The following PAXIP1 variants were observed in gnomAD, a reference collection of about 807,000 sequenced individuals.
The protein encoded by PAXIP1 is PAX-interacting protein 1.
A neutral mutation model predicts 140.6 loss-of-function variants in PAXIP1; 19 were observed. That is an observed-to-expected ratio of 0.14 (90% CI 0.09 to 0.20). The LOEUF (loss-of-function observed/expected upper bound fraction) is 0.20. Among genes scored for constraint, PAXIP1 ranks in the 10% least tolerant of loss-of-function variants. PAXIP1 has a pLI of 1.00. For missense variants in PAXIP1, 920 were observed against 1,208.6 expected (o/e 0.76, Z 3.54); for synonymous variants, 442 against 444.6 (o/e 0.99, Z 0.07).
intron 3 of PAXIP1, among the ~76,000 whole-genome samples, chr7:154,992,544 G>A (rs1810388694): frequency 6.6e-6 from 1 of 151,048 alleles, no homozygotes; most frequent in Non-Finnish European, 1.5e-5. Context: ...ACAGTGAGCC[G>A]AGATCGTGCC....
In PAXIP1 at chr7:155,002,890, T is replaced by A. The variant is rs1810996346; in HGVS notation, c.40A>T (p.Arg14Trp). 13 of 1,407,696 alleles carry A rather than the reference T, an allele frequency of 9.2e-6. No homozygotes were observed. The highest frequency in any genetic ancestry group is 1.1e-5 in the Non-Finnish European group (12 of 1,059,206). The allele number at this position is 1,407,696 out of a possible 1,614,324, so 87.2% of individuals were successfully genotyped here. A position where few individuals can be genotyped will look rare whatever the true frequency, so the allele number is the denominator to read the frequency against. Residue 14 changes from arginine to tryptophan, a missense_variant, in exon 1 of 21, where the codon AGG becomes TGG. This residue lies in a region of PAXIP1 where 419 missense variants were observed against 514.7 expected (regional missense o/e 0.81). Transcript: ENST00000404141. ...QAPKVPEEMF[R>W]EVKYYAVGDI... is the part of the protein sequence containing the mutation. The stretch of plus-strand genomic sequence containing the variant: ...CCCACCGCGTAATACTTGACCTCCC[T>A]GAACATCTCCTCAGGAACTTTGGGC...
intron 1 of PAXIP1, 77 bp downstream of exon 1, chr7:155,002,772 G>C (rs1810980315): frequency 2.5e-6 from 2 of 800,048 alleles, no homozygotes; most frequent in Non-Finnish European, 3.4e-6. Flanking sequence ...CGCGGCAGGA[G>C]CGGGGACGGG....
Position 154,947,889 on chromosome 7 carries a change from C to G in PAXIP1, c.2922+14G>C, listed in dbSNP as rs973171722. On this transcript the variant is annotated intron_variant, in intron 17 of 20. Transcript: ENST00000404141. The stretch of plus-strand genomic sequence containing the variant: ...TGCTTACTTGGACTGATTTACTTTT[C>G]CCTTAAAGTGTACCTTAAAGAGTGG... 6.4e-7 allele frequency: 1 copy of G among 1,562,888 alleles called. No homozygotes were observed. Among genetic ancestry groups the G allele is most frequent in the Non-Finnish European group, 8.8e-7 (1 of 1,133,278 alleles).
At chr7:155,002,405 TC>T (rs1340506615) in intron 1 of PAXIP1, among the ~76,000 whole-genome samples, 1 of 151,904 alleles carries the variant, frequency 6.6e-6, no homozygotes, top group East Asian at 1.9e-4. Flanking sequence ...GAGGCTGGGG[TC>T]CCCGCGCGAG....
At chr7:154,980,600 G>A (rs1156565566) in intron 5 of PAXIP1, among the ~76,000 whole-genome samples, 1 of 151,492 alleles carries the variant, frequency 6.6e-6, no homozygotes, top group African/African-American at 2.4e-5. Flanking sequence ...TTTTTGTAAA[G>A]ATGGGGTCTC....
At chr7:154,977,788 T>C (rs1809653828) in intron 5 of PAXIP1, among the ~76,000 whole-genome samples, 2 of 152,194 alleles carry the variant, frequency 1.3e-5, no homozygotes, top group Admixed American at 1.3e-4. Context: ...AAAAAACATA[T>C]AGTCATAGTG....
At chr7:154,982,294 T>A (rs1463213224) in intron 5 of PAXIP1, among the ~76,000 whole-genome samples, 2 of 152,206 alleles carry the variant, frequency 1.3e-5, no homozygotes, top group Non-Finnish European at 2.9e-5. Context: ...GAGGACTTGA[T>A]CACACACTGA....
rs190366402 is a variant in PAXIP1 at position 154,983,206 on chromosome 7, A to T, written c.438+13T>A. On this transcript the variant is annotated intron_variant, in intron 5 of 20. Coordinates refer to ENST00000404141, the MANE Select transcript of PAXIP1 (RefSeq NM_007349.4). ...ATGACATACAAAAAGAAGGTGGCACAAGAAACGCTTACCCCCTTTGGCTCT... is the reference window on the plus strand; with the variant it reads ...ATGACATACAAAAAGAAGGTGGCACTAGAAACGCTTACCCCCTTTGGCTCT... 2 of 1,424,382 alleles carry T rather than the reference A, an allele frequency of 1.4e-6. No homozygotes were observed. The highest frequency in any genetic ancestry group is 2.9e-5 in the African/African-American group (2 of 69,452). The allele number at this position is 1,424,382 out of a possible 1,614,324, so 88.2% of individuals were successfully genotyped here.
chr7:154,952,177 T>G (rs1808301438), intron 16 of PAXIP1: 1 of 152,212 alleles, frequency 6.6e-6, no homozygotes, highest in Admixed American at 6.5e-5. Context: ...TTAAAAAAAT[T>G]TCTAAATACC....
intron 8 of PAXIP1, 144 bp downstream of exon 8, chr7:154,967,672 C>T (rs1809083839): frequency 4.9e-6 from 3 of 607,562 alleles, no homozygotes; most frequent in African/African-American, 3.7e-5. Flanking sequence ...TCAGGTCACA[C>T]AGAATGTTAA....
chr7:154,975,596 T>G, intron 6 of PAXIP1, 100 bp downstream of exon 6: 1 of 739,054 alleles, frequency 1.4e-6, no homozygotes, highest in Non-Finnish European at 2.2e-6. Flanking sequence ...TGTAAGTTAT[T>G]TGGTCTGAAA....
At chr7:154,965,919 G>A (rs1048856819) in intron 8 of PAXIP1, among the ~76,000 whole-genome samples, 3 of 152,088 alleles carry the variant, frequency 2.0e-5, no homozygotes, top group African/African-American at 4.8e-5. Flanking sequence ...CAGTGTTTTC[G>A]TTTGCTTGCT....
In PAXIP1 at chr7:154,946,577, T is replaced by C. The variant is rs774684247; in HGVS notation, c.3068A>G (p.Glu1023Gly). ...ATTTTCACAGGATATTAAAATTATT[T>C]CCGACAAACTCTAAGGAAAAGAAAA... ...MEHKQNSSLS[E>G]IILISCENDL... Residue 1023 changes from glutamate to glycine, a missense_variant, in exon 19 of 21, where the codon GAA (glutamate) becomes GGA (glycine). Physicochemically the swap from Glu to Gly is moderately conservative, Grantham distance 98. Around this residue, in one of 5 missense-constraint regions of PAXIP1, gnomAD observed 303 missense variants for 517.9 expected, o/e 0.59. Coordinates refer to ENST00000404141, the MANE Select transcript of PAXIP1 (RefSeq NM_007349.4). The surrounding 1 kb of genome is among the most constrained non-coding windows in gnomAD (Gnocchi z 4.9). 5 of 1,613,680 alleles carry C rather than the reference T, an allele frequency of 3.1e-6. No individual in the cohort carries two copies. Among genetic ancestry groups the C allele is most frequent in the Non-Finnish European group, 4.2e-6 (5 of 1,179,758 alleles).
chr7:154,979,678 ATAAT>A (rs1234005294), intron 5 of PAXIP1, among the ~76,000 whole-genome samples: 2 of 151,020 alleles, frequency 1.3e-5, no homozygotes, highest in Admixed American at 6.6e-5. Flanking sequence ...AATAATTAAT[ATAAT>A]TAATATAACC....
intron 1 of PAXIP1, among the ~76,000 whole-genome samples, chr7:155,002,460 G>A (rs1810957331): frequency 6.6e-6 from 1 of 152,026 alleles, no homozygotes; most frequent in Non-Finnish European, 1.5e-5. Flanking sequence ...CGCCCTCGGA[G>A]CTGCTCTCCC....
chr7:154,960,748 A>G, intron 12 of PAXIP1, 145 bp downstream of exon 12: 1 of 603,708 alleles, frequency 1.7e-6, no homozygotes, highest in South Asian at 2.5e-5. Context: ...AAGAAGAAAG[A>G]GTATAGAAAA....
At chr7:154,960,536 A>T (rs981338646) in intron 12 of PAXIP1, among the ~76,000 whole-genome samples, 1 of 152,126 alleles carries the variant, frequency 6.6e-6, no homozygotes. Flanking sequence ...CAAAAATACT[A>T]AACCATGGCA....
At chr7:154,997,576 T>TA (rs1228823493) in intron 2 of PAXIP1, among the ~76,000 whole-genome samples, 1 of 152,238 alleles carries the variant, frequency 6.6e-6, no homozygotes, top group Admixed American at 6.5e-5. Context: ...AGATCTGAAA[T>TA]AAAATCGAAG....
At position 154,963,908 on chromosome 7, in the gene PAXIP1, T is replaced by G. The variant is rs1441314308; in HGVS notation, c.1894-142A>C. ...TCAAAGTATCAAGGACATGTAACAGTTCTATTTACGGACTTTTCTACCCAG... is the reference window on the plus strand; with the variant it reads ...TCAAAGTATCAAGGACATGTAACAGGTCTATTTACGGACTTTTCTACCCAG... On this transcript the variant is annotated intron_variant, in intron 8 of 20. Coordinates refer to ENST00000404141, the MANE Select transcript of PAXIP1 (RefSeq NM_007349.4). This position sits in a 1 kb window ranked among gnomAD's most constrained non-coding sequence, Gnocchi z 4.1. 1.6e-6 allele frequency: 1 copy of G among 644,466 alleles called. No homozygotes were observed. The highest frequency in any genetic ancestry group is 1.8e-5 in the South Asian group (1 of 54,836). 39.9% of individuals were successfully genotyped at this position (644,466 alleles called of 1,614,324 possible).
Sources: gnomAD v4.1 joint callset for allele counts (sites outside exome capture counted in the v4.1 genomes callset) on GRCh38, gnomAD v4.1.1 for gene constraint, gnomAD v4.1.1 regional missense constraint, Gnocchi (gnomAD v3.1) non-coding constraint, MANE v1.5 for transcripts, NCBI Gene and HGNC (gene_info 2026-07-23, HGNC 2026-07-21) for gene names.